Variants in GLIS3 observed in about 807,000 individuals in gnomAD.
GLIS3 encodes GLIS family zinc finger 3.
GLIS3 carries 53 observed loss-of-function variants against 78.6 expected under a neutral mutation model. The observed-to-expected ratio is 0.67, with a 90% CI of 0.54 to 0.85. The LOEUF (loss-of-function observed/expected upper bound fraction) is 0.85, where lower values mean the gene tolerates loss of function less well. Among genes scored for constraint, GLIS3 ranks in the 40% least tolerant of loss-of-function variants. GLIS3 has a pLI of 0.00. For missense variants in GLIS3, 1,703 were observed against 1,231.1 expected (o/e 1.38, Z -5.74); for synonymous variants, 684 against 509.9 (o/e 1.34, Z -4.60).
At position 3,897,290 on chromosome 9, in the gene GLIS3, C is replaced by T. The variant is rs2130590710; in HGVS notation, c.2128+1401G>A. Among the ~76,000 whole-genome samples, 3 of 152,210 alleles carry T rather than the reference C, an allele frequency of 2.0e-5. No individual in the cohort carries two copies. The Middle Eastern group carries it at 0.01, about 518-fold the overall frequency. On this transcript the variant is annotated intron_variant, in intron 7 of 10. Coordinates refer to ENST00000381971, the MANE Select transcript of GLIS3 (RefSeq NM_001042413.2). ...ATTGGGTTCCAGGTCTTAGTAAGAT[C>T]ATAGATTAATGAACTGAAGTAGTAG...
chr9:3,856,377 C>A (rs1489207881), intron 8 of GLIS3, among the ~76,000 whole-genome samples, 193 bp from the exon 9 acceptor site: 1 of 152,102 alleles, frequency 6.6e-6, no homozygotes, highest in Non-Finnish European at 1.5e-5. Flanking sequence ...ACTGAGTTCT[C>A]AACTGAGATA....
chr9:4,231,287 A>G (rs1822229526), intron 2 of GLIS3, among the ~76,000 whole-genome samples: 1 of 152,218 alleles, frequency 6.6e-6, no homozygotes, highest in South Asian at 2.1e-4. Flanking sequence ...CATATTAAAA[A>G]TGAACAGTAA....
At chr9:3,890,860 G>A (rs528574343) in intron 7 of GLIS3, among the ~76,000 whole-genome samples, 1 of 152,264 alleles carries the variant, frequency 6.6e-6, no homozygotes, top group South Asian at 2.1e-4. Flanking sequence ...TGGGGGCATT[G>A]CCACCCCAGT....
rs1213058060 is a variant in GLIS3, at chr9:4,267,957, G to C, written c.388+18081C>G. 4.6e-5 allele frequency among the ~76,000 whole-genome samples: 7 copies of C among 151,724 alleles called. No homozygotes were observed. In the East Asian group the frequency reaches 1.4e-3, roughly 29 times the overall value. ...ATTATAAAAATACCTGTGTGTGTGT[G>C]TGTGTGTGTGTGTGTGTGTATGTGC... On this transcript the variant is annotated intron_variant, in intron 2 of 10. Coordinates refer to ENST00000381971, the MANE Select transcript of GLIS3 (RefSeq NM_001042413.2).
intron 4 of GLIS3, among the ~76,000 whole-genome samples, chr9:3,942,517 C>T (rs1044828363): frequency 6.6e-6 from 1 of 152,178 alleles, no homozygotes; most frequent in Non-Finnish European, 1.5e-5. Context: ...GAATCAAGCA[C>T]GTACCTTCAA....
At chr9:4,487,903 G>A in the GLIS3 span, among the ~76,000 whole-genome samples, 8 of 151,808 alleles carry the variant, frequency 5.3e-5, no homozygotes, top group Non-Finnish European at 7.4e-5. Flanking sequence ...AGTTGCCCAG[G>A]TTGGTCTCAA....
the GLIS3 span, among the ~76,000 whole-genome samples, chr9:4,437,756 C>T: frequency 3.3e-5 from 5 of 152,202 alleles, no homozygotes; most frequent in African/African-American, 1.2e-4. Context: ...TCTTCCTCCT[C>T]TTCCTCAGCC....
chr9:3,832,869 T>A (rs1818127860), intron 9 of GLIS3, among the ~76,000 whole-genome samples: 1 of 152,166 alleles, frequency 6.6e-6, no homozygotes, highest in African/African-American at 2.4e-5. Context: ...ACTTCACAAA[T>A]AGGGACATTA....
intron 4 of GLIS3, among the ~76,000 whole-genome samples, chr9:3,937,870 ATACTT>A (rs1365285502): frequency 6.6e-6 from 1 of 152,226 alleles, no homozygotes; most frequent in Admixed American, 6.5e-5. Context: ...AAGTACCGTA[ATACTT>A]TAATCTTTTT....
the GLIS3 span, among the ~76,000 whole-genome samples, chr9:4,457,095 G>A: frequency 6.6e-6 from 1 of 152,128 alleles, no homozygotes; most frequent in Non-Finnish European, 1.5e-5. Context: ...GGGTACGATG[G>A]CTCAAAGCTA....
chr9:4,043,438 A>G (rs919107801), intron 4 of GLIS3, among the ~76,000 whole-genome samples: 15 of 152,078 alleles, frequency 9.9e-5, no homozygotes, highest in African/African-American at 3.4e-4. Context: ...TAGGATTCCC[A>G]GGAGATAATC....
At chr9:3,910,712 T>C (rs1042189646) in intron 6 of GLIS3, among the ~76,000 whole-genome samples, 13 of 152,228 alleles carry the variant, frequency 8.5e-5, no homozygotes, top group African/African-American at 3.1e-4. Context: ...CATGTGATAC[T>C]GGGCAAGTAT....
intron 8 of GLIS3, among the ~76,000 whole-genome samples, chr9:3,863,342 T>C (rs953760156): frequency 4.6e-5 from 7 of 152,210 alleles, no homozygotes; most frequent in African/African-American, 1.7e-4. Context: ...AACTGCAAAT[T>C]GAATTCGGCT....
At chr9:3,954,286 T>C (rs917243364) in intron 4 of GLIS3, among the ~76,000 whole-genome samples, 3 of 152,210 alleles carry the variant, frequency 2.0e-5, no homozygotes, top group Admixed American at 6.5e-5. Context: ...AAATGTGACC[T>C]AGAAGCTCCT....
At chr9:4,302,869 G>T (rs189488373), upstream of GLIS3, among the ~76,000 whole-genome samples, 4 of 152,294 alleles carry the variant, frequency 2.6e-5, no homozygotes, top group Non-Finnish European at 5.9e-5. Flanking sequence ...ATGTGACATG[G>T]AGTAGCTTGG....
chr9:4,238,583 A>T (rs1390995586), intron 2 of GLIS3, among the ~76,000 whole-genome samples: 1 of 152,252 alleles, frequency 6.6e-6, no homozygotes, highest in Non-Finnish European at 1.5e-5. Context: ...AAGAAAGCTT[A>T]ACCCTTTCTG....
At chr9:4,186,802 G>A (rs573693400) in intron 2 of GLIS3, among the ~76,000 whole-genome samples, 1 of 152,150 alleles carries the variant, frequency 6.6e-6, no homozygotes, top group Non-Finnish European at 1.5e-5. Context: ...GTCTTCTTTT[G>A]AGAAGTGTCT....
the GLIS3 span, among the ~76,000 whole-genome samples, chr9:4,462,931 A>G: frequency 6.6e-6 from 1 of 152,256 alleles, no homozygotes; most frequent in Non-Finnish European, 1.5e-5. Context: ...GGGAAACCCA[A>G]TATAGGACCT....
intron 2 of GLIS3, among the ~76,000 whole-genome samples, chr9:4,312,455 G>A (rs888583360): frequency 7.9e-5 from 12 of 152,158 alleles, no homozygotes; most frequent in African/African-American, 2.9e-4. Flanking sequence ...GTGACAGAGT[G>A]AGACTTTGTC....
Sources: gnomAD v4.1 joint callset for allele counts (sites outside exome capture counted in the v4.1 genomes callset) on GRCh38, gnomAD v4.1.1 for gene constraint, MANE v1.5 for transcripts, NCBI Gene and HGNC (gene_info 2026-07-23, HGNC 2026-07-21) for gene names.